Variants in ZNF609 observed in about 807,000 individuals in gnomAD.
The protein encoded by ZNF609 is zinc finger protein 609.
A neutral mutation model predicts 109.5 loss-of-function variants in ZNF609; 11 were observed. The ratio of observed to expected loss-of-function variants is 0.10; its 90% CI spans 0.06 to 0.17. The LOEUF (loss-of-function observed/expected upper bound fraction) is 0.17, where lower values mean the gene tolerates loss of function less well. Among genes scored for constraint, ZNF609 ranks in the 10% least tolerant of loss-of-function variants. The pLI, the probability that ZNF609 is intolerant of heterozygous loss-of-function variation, is 1.00. For missense variants in ZNF609, 1,559 were observed against 1,772.4 expected (o/e 0.88, Z 2.16); for synonymous variants, 646 against 662.0 (o/e 0.98, Z 0.37).
At chr15:64,609,608 C>CCTATATATAGCTTCTTAGAA (rs1567028519) in intron 2 of ZNF609, among the ~76,000 whole-genome samples, 1 of 151,394 alleles carries the variant, frequency 6.6e-6, no homozygotes, top group African/African-American at 2.4e-5. Context: ...CGGTGCATGG[C>CCTATATATAGCTTCTTAGAA]CTCATTTTAA....
chr15:64,544,796 A>G (rs1894328608), intron 2 of ZNF609, among the ~76,000 whole-genome samples: 1 of 152,218 alleles, frequency 6.6e-6, no homozygotes, highest in Non-Finnish European at 1.5e-5. Flanking sequence ...GCCATGAGCC[A>G]GGAATACAGG....
intron 3 of ZNF609, among the ~76,000 whole-genome samples, chr15:64,663,426 A>AG: frequency 6.6e-6 from 1 of 151,938 alleles, no homozygotes; most frequent in Non-Finnish European, 1.5e-5. Flanking sequence ...CTTGGAGGAG[A>AG]GGGTTGTTAA....
At chr15:64,544,000 C>G (rs915312868) in intron 2 of ZNF609, among the ~76,000 whole-genome samples, 2 of 152,094 alleles carry the variant, frequency 1.3e-5, no homozygotes, top group Admixed American at 6.6e-5. Flanking sequence ...CCTTGACTGA[C>G]TCTCATTTAT....
At chr15:64,591,430 A>AAAACAAAC (rs367966675) in intron 2 of ZNF609, among the ~76,000 whole-genome samples, 1 of 151,990 alleles carries the variant, frequency 6.6e-6, no homozygotes, top group Non-Finnish European at 1.5e-5. Context: ...TCTATCTCAA[A>AAAACAAAC]AAACAAACAA....
intron 3 of ZNF609, among the ~76,000 whole-genome samples, chr15:64,628,762 A>G (rs1163804056): frequency 1.3e-5 from 2 of 152,000 alleles, no homozygotes; most frequent in Non-Finnish European, 2.9e-5. Context: ...AGTAGCTGGG[A>G]TTACAGGCGT....
In ZNF609 at chr15:64,676,012, C is replaced by A; in HGVS notation, c.3158C>A (p.Ala1053Asp). The change falls in exon 5 of 10, where the codon GCC (alanine) becomes GAC (aspartate). Residue 1053 changes from alanine to aspartate, a missense_variant. Ala to Asp is a moderately radical substitution (Grantham distance 126). Transcript: ENST00000326648. ...TCAATTCCACCAACTCTCACCAAGGCCCCCAGCCTGACAGACCTGGTGAAA... is the reference window on the plus strand; with the variant it reads ...TCAATTCCACCAACTCTCACCAAGGACCCCAGCCTGACAGACCTGGTGAAA... ...KPSIPPTLTK[A>D]PSLTDLVKSG... 6.2e-7 allele frequency: 1 copy of A among 1,614,214 alleles called. No homozygotes were observed. Among genetic ancestry groups the A allele is most frequent in the Non-Finnish European group, 8.5e-7 (1 of 1,180,042 alleles).
At position 64,495,349 on chromosome 15, in the gene ZNF609, A is replaced by G. The variant is rs543931590; in HGVS notation, c.-127-3944A>G. 3.9e-5 allele frequency among the ~76,000 whole-genome samples: 6 copies of G among 152,280 alleles called. No individual in the cohort carries two copies. The South Asian group carries it at 6.2e-4, about 16-fold the overall frequency. Reference sequence around the variant, plus strand: ...GTATTTATAGGAATTATTTAAATTTATGCTACATTGAACTGATTTTAGTAT... The same window carrying G: ...GTATTTATAGGAATTATTTAAATTTGTGCTACATTGAACTGATTTTAGTAT... On this transcript the variant is annotated intron_variant, in intron 1 of 9. Coordinates refer to ENST00000326648, the MANE Select transcript of ZNF609 (RefSeq NM_015042.2).
At chr15:64,602,236 C>T (rs546303080) in intron 2 of ZNF609, among the ~76,000 whole-genome samples, 35 of 152,188 alleles carry the variant, frequency 2.3e-4, no homozygotes, top group Non-Finnish European at 5.9e-5. Context: ...ACTTCATTTC[C>T]CCTTGACTTC....
chr15:64,636,855 C>A (rs1349244542), intron 3 of ZNF609, among the ~76,000 whole-genome samples: 2 of 152,186 alleles, frequency 1.3e-5, no homozygotes, highest in Non-Finnish European at 2.9e-5. Flanking sequence ...TCTTCCCAGC[C>A]ACTTGTCTAC....
chr15:64,606,983 A>C (rs1478442715), intron 2 of ZNF609, among the ~76,000 whole-genome samples: 2 of 152,082 alleles, frequency 1.3e-5, no homozygotes, highest in Non-Finnish European at 2.9e-5. Flanking sequence ...CGTCTCTATT[A>C]GAAATACAAA....
At chr15:64,492,680 C>G (rs1357874531) in intron 1 of ZNF609, among the ~76,000 whole-genome samples, 1 of 152,186 alleles carries the variant, frequency 6.6e-6, no homozygotes, top group Non-Finnish European at 1.5e-5. Flanking sequence ...CTGTACCCAG[C>G]TTTGACTTGT....
chr15:64,663,365 C>G (rs1181015437), intron 3 of ZNF609, among the ~76,000 whole-genome samples: 1 of 152,130 alleles, frequency 6.6e-6, no homozygotes, highest in African/African-American at 2.4e-5. Context: ...AGGATGTACA[C>G]ATGCCATTAC....
At chr15:64,586,536 T>C (rs1488939358) in intron 2 of ZNF609, among the ~76,000 whole-genome samples, 2 of 152,076 alleles carry the variant, frequency 1.3e-5, no homozygotes, top group South Asian at 2.1e-4. Context: ...GCGGGAACCC[T>C]ATTGTGAACT....
chr15:64,479,309 T>TG (rs1893216120), intron 1 of ZNF609, among the ~76,000 whole-genome samples: 1 of 146,144 alleles, frequency 6.8e-6, no homozygotes. Flanking sequence ...TTTTTTTTTT[T>TG]GAGACAGAGT....
chr15:64,659,272 C>T (rs1464418704), intron 3 of ZNF609, among the ~76,000 whole-genome samples: 3 of 152,148 alleles, frequency 2.0e-5, no homozygotes, highest in African/African-American at 7.2e-5. Flanking sequence ...TCAAAACTCG[C>T]TGGCAAACTG....
At chr15:64,527,783 A>T (rs1447184430) in intron 2 of ZNF609, among the ~76,000 whole-genome samples, 1 of 152,160 alleles carries the variant, frequency 6.6e-6, no homozygotes, top group Non-Finnish European at 1.5e-5. Flanking sequence ...CATCTGGTAC[A>T]TCACAAAGGT....
chr15:64,642,981 A>G (rs1160676655), intron 3 of ZNF609, among the ~76,000 whole-genome samples: 1 of 152,154 alleles, frequency 6.6e-6, no homozygotes, highest in Admixed American at 6.5e-5. Flanking sequence ...TTCTGAATAT[A>G]TTTACCCTTT....
chr15:64,511,942 T>A (rs1458301789), intron 2 of ZNF609, among the ~76,000 whole-genome samples: 4 of 151,858 alleles, frequency 2.6e-5, no homozygotes, highest in Non-Finnish European at 5.9e-5. Context: ...CTTGATCTCC[T>A]GACCTCGTGA....
chr15:64,636,908 TAA>T (rs922138746), intron 3 of ZNF609, among the ~76,000 whole-genome samples: 1 of 152,218 alleles, frequency 6.6e-6, no homozygotes, highest in Non-Finnish European at 1.5e-5. Context: ...TTTATATTAA[TAA>T]GTCTTACTGA....
Sources: gnomAD v4.1 joint callset for allele counts (sites outside exome capture counted in the v4.1 genomes callset) on GRCh38, gnomAD v4.1.1 for gene constraint, MANE v1.5 for transcripts, NCBI Gene and HGNC (gene_info 2026-07-23, HGNC 2026-07-21) for gene names.